Variants in RIPOR2 observed in about 807,000 individuals in gnomAD.
RIPOR2 encodes the protein rho family-interacting cell polarization regulator 2.
Under a neutral mutation model 114.5 loss-of-function variants are expected in RIPOR2, and 39 were observed. The observed-to-expected ratio is 0.34, with a 90% CI of 0.26 to 0.44. RIPOR2 has a LOEUF of 0.44. Ranked by LOEUF, RIPOR2 falls within the 20% of genes least tolerant of loss-of-function variation. The probability of loss-of-function intolerance (pLI) is 1.00; values close to 1 mark genes in which losing one functional copy is unlikely to be tolerated. For missense variants in RIPOR2, 1,007 were observed against 1,255.1 expected (o/e 0.80, Z 2.99); for synonymous variants, 445 against 484.4 (o/e 0.92, Z 1.07).
intron 1 of RIPOR2, among the ~76,000 whole-genome samples, chr6:24,914,121 G>A (rs1251386739): frequency 2.0e-5 from 3 of 152,118 alleles, no homozygotes; most frequent in Non-Finnish European, 4.4e-5. Flanking sequence ...GATCACTTGA[G>A]GCCAGGAGTT....
intron 1 of RIPOR2, among the ~76,000 whole-genome samples, chr6:24,948,818 A>G (rs1581859773): frequency 6.6e-6 from 1 of 152,186 alleles, no homozygotes; most frequent in African/African-American, 2.4e-5. Context: ...GGCGTGAGGC[A>G]CCACGCCCAG....
chr6:24,985,125 A>G (rs1774478511), intron 1 of RIPOR2, among the ~76,000 whole-genome samples: 1 of 152,184 alleles, frequency 6.6e-6, no homozygotes, highest in Non-Finnish European at 1.5e-5. Flanking sequence ...CAAACTGGAG[A>G]GATCTTAATT....
chr6:24,881,658 G>C (rs1421946868), intron 1 of RIPOR2, among the ~76,000 whole-genome samples: 2 of 152,046 alleles, frequency 1.3e-5, no homozygotes, highest in Non-Finnish European at 2.9e-5. Flanking sequence ...CACATATCAG[G>C]GTCTTTTGAA....
chr6:25,002,251 T>C (rs1417780211), intron 1 of RIPOR2, among the ~76,000 whole-genome samples: 3 of 152,228 alleles, frequency 2.0e-5, no homozygotes, highest in African/African-American at 7.2e-5. Context: ...AGGACAACCA[T>C]ATAAGTATTG....
rs150142878 is a variant in RIPOR2 at position 24,847,657 on chromosome 6, C to T, written c.1164+368G>A. On this transcript the variant is annotated intron_variant, in intron 12 of 21. Coordinates refer to ENST00000643898, the MANE Select transcript of RIPOR2 (RefSeq NM_001286445.3). ...TTGCAAGGCACTCAAGACAGACAGC[C>T]GCCTGGGCTTGTCTGGGGAAGGATG... 5,962 of 1,551,660 alleles carry T rather than the reference C, an allele frequency of 3.8e-3. 60 individuals carry two copies. Among genetic ancestry groups the T allele is most frequent in the South Asian group, 0.029 (2,427 of 84,054 alleles).
chr6:25,005,594 C>T (rs533353968), intron 1 of RIPOR2, among the ~76,000 whole-genome samples: 1 of 150,896 alleles, frequency 6.6e-6, no homozygotes, highest in East Asian at 2.0e-4. Flanking sequence ...GACATAGTCT[C>T]TCACAAGTGG....
intron 1 of RIPOR2, among the ~76,000 whole-genome samples, chr6:24,905,237 C>A (rs1338459783): frequency 6.6e-6 from 1 of 152,088 alleles, no homozygotes; most frequent in Non-Finnish European, 1.5e-5. Flanking sequence ...ATCCTGTAAC[C>A]CTTTTTATTT....
At chr6:24,842,193 T>C (rs1224617396) in intron 13 of RIPOR2, among the ~76,000 whole-genome samples, 1 of 152,178 alleles carries the variant, frequency 6.6e-6, no homozygotes, top group Non-Finnish European at 1.5e-5. Flanking sequence ...TGGAGACAGA[T>C]ACATTCTGAT....
chr6:24,840,729 C>A (rs1330351547), intron 13 of RIPOR2: 1 of 1,535,430 alleles, frequency 6.5e-7, no homozygotes. Flanking sequence ...GATCTCCGTC[C>A]AAGAGGCAGC....
chr6:24,936,725 C>A (rs2817745), upstream of RIPOR2, among the ~76,000 whole-genome samples: 6,435 of 152,256 alleles, frequency 0.042, 451 homozygotes, highest in African/African-American at 0.14. Flanking sequence ...ATCACCATAT[C>A]GAGCTACCCA....
At chr6:25,023,198 T>C in intron 1 of RIPOR2, 1 of 628,930 alleles carries the variant, frequency 1.6e-6, no homozygotes, top group Admixed American at 1.8e-5. Flanking sequence ...GCGCCTGTAC[T>C]TGGGGGATCT....
chr6:24,957,962 T>C lies in RIPOR2; in HGVS notation c.77-82145A>G, dbSNP rs992162983. ...TAACACTGTTGGTGGTATTGTAAAC[T>C]GGATCAGTCTTTCTTGAGTGTATGA... On this transcript the variant is annotated intron_variant, in intron 1 of 13. Transcript: ENST00000510784. 5.9e-5 allele frequency among the ~76,000 whole-genome samples: 9 copies of C among 152,264 alleles called. No homozygotes were observed. The South Asian group carries it at 1.0e-3, about 18-fold the overall frequency.
chr6:24,869,846 G>C (rs73398481), intron 5 of RIPOR2, among the ~76,000 whole-genome samples: 1 of 152,068 alleles, frequency 6.6e-6, no homozygotes, highest in Non-Finnish European at 1.5e-5. Flanking sequence ...TGAAATTGGG[G>C]TGCATTTTAC....
intron 1 of RIPOR2, among the ~76,000 whole-genome samples, chr6:24,880,378 G>A (rs1329438779): frequency 6.6e-6 from 1 of 152,212 alleles, no homozygotes; most frequent in Non-Finnish European, 1.5e-5. Flanking sequence ...TAGTAGGAAT[G>A]CCAAAAACAA....
rs1245426278 is a variant in RIPOR2, at chr6:24,942,972, A to T, written c.77-67155T>A. Among the ~76,000 whole-genome samples, 3 of 152,132 alleles carry T rather than the reference A, an allele frequency of 2.0e-5. No homozygotes were observed. The East Asian group carries it at 5.8e-4, about 29-fold the overall frequency. Reference sequence around the variant, plus strand: ...GTTGCCATTGCTTTTGGTGTTTTAGACATGAAGTCCTTGCCCATGCCTATG... The same window carrying T: ...GTTGCCATTGCTTTTGGTGTTTTAGTCATGAAGTCCTTGCCCATGCCTATG... On this transcript the variant is annotated intron_variant, in intron 1 of 13. Transcript: ENST00000510784.
chr6:24,975,385 C>T (rs9356951), intron 1 of RIPOR2, among the ~76,000 whole-genome samples: 8 of 151,868 alleles, frequency 5.3e-5, no homozygotes, highest in South Asian at 2.1e-4. Flanking sequence ...ACTAGGCAAA[C>T]GACACAATAT....
chr6:24,920,717 T>C (rs189542058), intron 1 of RIPOR2, among the ~76,000 whole-genome samples: 40 of 152,336 alleles, frequency 2.6e-4, no homozygotes, highest in South Asian at 6.2e-4. Context: ...ATATGTATAC[T>C]ATAAACTTAA....
chr6:24,983,203 C>CACACACACACACACATACATATAT (rs1774375765), intron 1 of RIPOR2, among the ~76,000 whole-genome samples: 3 of 149,548 alleles, frequency 2.0e-5, no homozygotes, highest in Non-Finnish European at 2.9e-5. Context: ...TACACACACA[C>CACACACACACACACATACATATAT]ACACACACAC....
intron 1 of RIPOR2, among the ~76,000 whole-genome samples, chr6:24,906,543 T>TG (rs1215343669): frequency 4.6e-5 from 7 of 152,208 alleles, no homozygotes; most frequent in African/African-American, 1.7e-4. Context: ...CAGGTGTCTA[T>TG]GGGGCAAACC....
Sources: gnomAD v4.1 joint callset for allele counts (sites outside exome capture counted in the v4.1 genomes callset) on GRCh38, gnomAD v4.1.1 for gene constraint, MANE v1.5 for transcripts, NCBI Gene and HGNC (gene_info 2026-07-23, HGNC 2026-07-21) for gene names.